Variants in BIRC6 observed in about 807,000 individuals in gnomAD.
The protein encoded by BIRC6 is dual E2 ubiquitin-conjugating enzyme/E3 ubiquitin-protein ligase BIRC6.
A neutral mutation model predicts 503.3 loss-of-function variants in BIRC6; 98 were observed. The ratio of observed to expected loss-of-function variants is 0.19; its 90% CI spans 0.17 to 0.23. The LOEUF (loss-of-function observed/expected upper bound fraction) is 0.23. BIRC6 is among the 10% of genes least tolerant of loss of function. The pLI is 1.00. For missense variants in BIRC6, 5,360 were observed against 5,806.0 expected (o/e 0.92, Z 2.50); for synonymous variants, 2,240 against 2,078.7 (o/e 1.08, Z -2.11).
chr2:32,534,186 C>A (rs914817600), intron 61 of BIRC6, among the ~76,000 whole-genome samples: 3 of 151,396 alleles, frequency 2.0e-5, no homozygotes, highest in African/African-American at 7.3e-5. Flanking sequence ...TCAGCCTGGC[C>A]AACATGGTGA....
At chr2:32,446,738 G>GTTTTTTTTTTTTTTTT (rs58232090) in intron 21 of BIRC6, among the ~76,000 whole-genome samples, 1 of 34,836 alleles carries the variant, frequency 2.9e-5, no homozygotes, top group African/African-American at 1.2e-4. Context: ...CCTCTGCGCT[G>GTTTTTTTTTTTTTTTT]TTTTTTTTTT....
chr2:32,572,725 A>G (rs2059999858), intron 65 of BIRC6, among the ~76,000 whole-genome samples: 3 of 152,180 alleles, frequency 2.0e-5, no homozygotes, highest in Non-Finnish European at 4.4e-5. Flanking sequence ...TTCATACTCA[A>G]GTATATGTGG....
rs1471460022 is a variant in BIRC6 at position 32,470,252 on chromosome 2, T to A, written c.6432T>A (p.Asn2144Lys). 1 of 1,573,680 alleles carries A rather than the reference T, an allele frequency of 6.4e-7. No homozygotes were observed. Among genetic ancestry groups the A allele is most frequent in the Non-Finnish European group, 8.6e-7 (1 of 1,157,930 alleles). Residue 2144 changes from asparagine to lysine, a missense_variant, in exon 31 of 74, where the codon AAT (asparagine) becomes AAA (lysine). Physicochemically the swap from Asn to Lys is moderately conservative, Grantham distance 94. Coordinates refer to ENST00000421745, the MANE Select transcript of BIRC6 (RefSeq NM_016252.4). ...AAAGCTTACTTAATCTCTTGGATAA[T>A]TTATTGTCACCTCTTCAGCCACAGT... Reference protein sequence around the residue: ...VLESLLNLLDNLLSPLQPQLP... With the variant: ...VLESLLNLLDKLLSPLQPQLP...
chr2:32,607,586 A>G lies in BIRC6; in HGVS notation c.14202A>G (p.Ala4734=), dbSNP rs770870010. 1.2e-5 allele frequency: 19 copies of G among 1,613,908 alleles called. No individual in the cohort carries two copies. Among genetic ancestry groups the G allele is most frequent in the Non-Finnish European group, 1.5e-5 (18 of 1,179,818 alleles). ...AATATGATGGAAACATTCGACAAGC[A>G]ACAGTTAAGTGGGCAATGCTAGAAC... ...SREYDGNIRQ[A]TVKWAMLEQI... Residue 4734 remains alanine (A), a synonymous_variant, in exon 72 of 74, where the codon GCA becomes GCG. Coordinates refer to ENST00000421745, the MANE Select transcript of BIRC6 (RefSeq NM_016252.4).
chr2:32,566,201 T>G (rs1277339125), intron 65 of BIRC6: 2 of 152,178 alleles, frequency 1.3e-5, no homozygotes, highest in Non-Finnish European at 2.9e-5. Context: ...TAAAGCATAT[T>G]CTAATTTTTT....
chr2:32,463,278 C>A lies in BIRC6; in HGVS notation c.4838C>A (p.Ala1613Asp). 1 of 1,613,776 alleles carries A rather than the reference C, an allele frequency of 6.2e-7. No homozygotes were observed. Among genetic ancestry groups the A allele is most frequent in the Non-Finnish European group, 8.5e-7 (1 of 1,179,810 alleles). Residue 1613 changes from alanine (A) to aspartate (D), a missense_variant, in exon 24 of 74, where the codon GCC becomes GAC. Transcript: ENST00000421745. ...GEASTALSSA[A>D]QVALQSLSHA... is the part of the protein sequence containing the mutation. ...GCCTCGACAGCCCTGAGTTCAGCAG[C>A]CCAGGTAGCTTTGCAGTCTCTCTCT... is the stretch of plus-strand genomic sequence containing the variant.
chr2:32,517,968 G>A (rs1352610850), intron 55 of BIRC6, among the ~76,000 whole-genome samples: 1 of 151,320 alleles, frequency 6.6e-6, no homozygotes, highest in African/African-American at 2.4e-5. Flanking sequence ...GTTATGCTAG[G>A]TATTCATTAT....
chr2:32,464,120 A>G (rs572782988), intron 24 of BIRC6, among the ~76,000 whole-genome samples: 8 of 152,324 alleles, frequency 5.3e-5, no homozygotes. Context: ...CCTGGTGTCA[A>G]AAAGGTTGAG....
chr2:32,362,679 A>G (rs571868156), intron 1 of BIRC6, among the ~76,000 whole-genome samples: 1 of 152,224 alleles, frequency 6.6e-6, no homozygotes, highest in East Asian at 1.9e-4. Flanking sequence ...TCATATTACT[A>G]GATATGTCCT....
rs1166383796 is a variant in BIRC6 at position 32,511,476 on chromosome 2, ATTTTTTTTTTT to A, written c.10346+859_10346+869del. Among the ~76,000 whole-genome samples, 180 of 80,162 alleles carry A rather than the reference ATTTTTTTTTTT, an allele frequency of 2.2e-3. 2 individuals are homozygous for A. Among genetic ancestry groups the A allele is most frequent in the South Asian group, 3.0e-3 (7 of 2,360 alleles). The allele number at this position is 80,162 out of a possible 152,430, so 52.6% of individuals were successfully genotyped here. A position where few individuals can be genotyped will look rare whatever the true frequency, so the allele number is the denominator to read the frequency against. On this transcript the variant is annotated intron_variant, in intron 53 of 73. Transcript: ENST00000421745. ...AGGCGACCACCACTATAACTGACTAATTTTTTTTTTTTTTTTTTTTTTTTTTTGTATTTTTA... is the reference window on the plus strand; with the variant it reads ...AGGCGACCACCACTATAACTGACTAATTTTTTTTTTTTTTTTGTATTTTTA...
At chr2:32,481,229 A>C (rs2050368096) in intron 37 of BIRC6, 91 bp from the exon 38 acceptor site, 1 of 1,205,406 alleles carries the variant, frequency 8.3e-7, no homozygotes, top group Non-Finnish European at 1.1e-6. Flanking sequence ...GTAACATGCA[A>C]GTAAAATAAC....
chr2:32,537,964 CAAA>C (rs769563624), intron 61 of BIRC6, among the ~76,000 whole-genome samples: 3 of 111,186 alleles, frequency 2.7e-5, no homozygotes, highest in Admixed American at 9.6e-5. Context: ...GACTCCGTCT[CAAA>C]AAAAAAAAAG....
chr2:32,495,797 T>TG (rs2052380384), intron 45 of BIRC6, among the ~76,000 whole-genome samples: 1 of 149,632 alleles, frequency 6.7e-6, no homozygotes, highest in Non-Finnish European at 1.5e-5. Flanking sequence ...GAAGTTTTTT[T>TG]TTTTTTTTTT....
chr2:32,481,392 T>G lies in BIRC6; in HGVS notation c.7481T>G (p.Val2494Gly), dbSNP rs777266196. ...GAGTTACTTCAGGATCTAATGGAAG[T>G]TGACATTGATCCTTTAGATATTGAT... ...DLELLQDLME[V>G]DIDPLDIDLE... The change falls in exon 38 of 74, where the codon GTT (valine) becomes GGT (glycine). Residue 2494 changes from valine (V) to glycine (G), a missense_variant. Val to Gly is a moderately radical substitution (Grantham distance 109). Transcript: ENST00000421745. 4 of 1,612,494 alleles carry G rather than the reference T, an allele frequency of 2.5e-6. No individual in the cohort carries two copies. Among genetic ancestry groups the G allele is most frequent in the Non-Finnish European group, 3.4e-6 (4 of 1,179,038 alleles).
chr2:32,460,980 TTGCTCTGCTC>T (rs147679280), intron 23 of BIRC6, among the ~76,000 whole-genome samples: 1 of 146,748 alleles, frequency 6.8e-6, no homozygotes, highest in Non-Finnish European at 1.5e-5. Flanking sequence ...TGAGATGCAA[TTGCTCTGCTC>T]TGCTCTGCTC....
At chr2:32,467,288 T>A (rs2048659121) in intron 26 of BIRC6, among the ~76,000 whole-genome samples, 1 of 152,200 alleles carries the variant, frequency 6.6e-6, no homozygotes, top group Admixed American at 6.5e-5. Context: ...CTTGCCACTG[T>A]GCCCAGCTAC....
rs373274536 is a variant in BIRC6, at chr2:32,461,343, A to AGTGTGTGTGTGT, written c.4754-1822_4754-1811dup. Among the ~76,000 whole-genome samples the AGTGTGTGTGTGT allele has an allele frequency of 7.1e-3, 940 of 132,098 alleles. 8 individuals are homozygous for AGTGTGTGTGTGT. Among genetic ancestry groups the AGTGTGTGTGTGT allele is most frequent in the African/African-American group, 0.017 (592 of 34,228 alleles). The allele number at this position is 132,098 out of a possible 152,430, so 86.7% of individuals were successfully genotyped here. A position where few individuals can be genotyped will look rare whatever the true frequency, so the allele number is the denominator to read the frequency against. ...GAGGCTTGTGCCACCATGCCTGGCT[A>AGTGTGTGTGTGT]GTGTGTGTGTGTGTGTGTGTGTGTG... On this transcript the variant is annotated intron_variant, in intron 23 of 73. Transcript: ENST00000421745.
chr2:32,452,780 A>G (rs570476190), intron 22 of BIRC6, among the ~76,000 whole-genome samples: 3 of 152,214 alleles, frequency 2.0e-5, no homozygotes, highest in East Asian at 1.9e-4. Flanking sequence ...TTAATTCCTA[A>G]TAACCACTAA....
At chr2:32,607,401 T>A in intron 71 of BIRC6, 54 bp from the exon 72 acceptor site, 1 of 1,279,856 alleles carries the variant, frequency 7.8e-7, no homozygotes, top group Non-Finnish European at 1.0e-6. Flanking sequence ...AGGATATCAG[T>A]TAACCCACAG....
Sources: gnomAD v4.1 joint callset for allele counts (sites outside exome capture counted in the v4.1 genomes callset) on GRCh38, gnomAD v4.1.1 for gene constraint, MANE v1.5 for transcripts, NCBI Gene and HGNC (gene_info 2026-07-23, HGNC 2026-07-21) for gene names.